The following SANBR variants were observed in gnomAD, a reference collection of about 807,000 sequenced individuals.
SANBR encodes SANT and BTB domain regulator of class switch recombination.
Under a neutral mutation model 101.8 loss-of-function variants are expected in SANBR, and 77 were observed. The observed-to-expected ratio is 0.76, with a 90% CI of 0.63 to 0.91. The LOEUF (loss-of-function observed/expected upper bound fraction) is 0.91, where lower values mean the gene tolerates loss of function less well. Ranked by LOEUF, SANBR falls within the 40% of genes least tolerant of loss-of-function variation. SANBR has a pLI of 0.00. For synonymous variants in SANBR, 279 were observed against 274.7 expected, an observed-to-expected ratio of 1.02 and a Z score of -0.15; for missense variants, 875 against 853.0, an observed-to-expected ratio of 1.03 and a Z score of -0.32.
At chr2:61,099,165 G>A (rs1341187241) in intron 12 of SANBR, among the ~76,000 whole-genome samples, 2 of 152,238 alleles carry the variant, frequency 1.3e-5, no homozygotes, top group Non-Finnish European at 2.9e-5. Flanking sequence ...GGAGAGGTAG[G>A]TAGGTGTCAG....
intron 4 of SANBR, among the ~76,000 whole-genome samples, chr2:61,072,850 T>TTTTTTTA (rs59557585): frequency 9.5e-6 from 1 of 105,246 alleles, no homozygotes; most frequent in Non-Finnish European, 2.0e-5. Flanking sequence ...TTTTTTTTTT[T>TTTTTTTA]ATACAGGTAC....
At chr2:61,091,302 C>G (rs998454652) in intron 10 of SANBR, among the ~76,000 whole-genome samples, 40 of 151,792 alleles carry the variant, frequency 2.6e-4, no homozygotes, top group African/African-American at 9.4e-4. Flanking sequence ...TTATATTAGC[C>G]AGGTGTAGGT....
intron 20 of SANBR, among the ~76,000 whole-genome samples, chr2:61,132,924 G>C (rs1684729894): frequency 6.6e-6 from 1 of 152,162 alleles, no homozygotes; most frequent in African/African-American, 2.4e-5. Context: ...ATCCAGAATG[G>C]GTAAATCCAT....
At chr2:61,108,284 C>T (rs1448595194) in intron 14 of SANBR, 33 bp from the exon 15 acceptor site, 1 of 1,459,082 alleles carries the variant, frequency 6.9e-7, no homozygotes, top group African/African-American at 1.4e-5. Flanking sequence ...TAGGTAAATG[C>T]AGATTTATTA....
chr2:61,131,587 T>C (rs1325336875), intron 20 of SANBR, among the ~76,000 whole-genome samples: 1 of 152,262 alleles, frequency 6.6e-6, no homozygotes, highest in African/African-American at 2.4e-5. Flanking sequence ...AGACTTAATG[T>C]TATTAAGATG....
intron 10 of SANBR, chr2:61,090,831 C>G (rs1682714524): frequency 6.6e-6 from 1 of 152,430 alleles, no homozygotes; most frequent in South Asian, 2.1e-4. Flanking sequence ...CCACTTCAGC[C>G]TCTCAAAGCG....
chr2:61,076,478 A>C (rs79921524), intron 5 of SANBR, among the ~76,000 whole-genome samples: 1 of 131,592 alleles, frequency 7.6e-6, no homozygotes, highest in Non-Finnish European at 1.6e-5. Context: ...AAAAAAAAAA[A>C]TTAGCTGGGC....
At position 61,118,649 on chromosome 2, in the gene SANBR, C is replaced by T. The variant is rs571757350; in HGVS notation, c.2028+533C>T. On this transcript the variant is annotated intron_variant, in intron 20 of 21. Transcript: ENST00000402291. Reference sequence around the variant, plus strand: ...CCATCTCGGCTCACTGCAACCTCCACCTCCCAGGTTCAAGTGATTCTCCTG... The same window carrying T: ...CCATCTCGGCTCACTGCAACCTCCATCTCCCAGGTTCAAGTGATTCTCCTG... Among the ~76,000 whole-genome samples the T allele has an allele frequency of 1.3e-4, 19 of 148,842 alleles. No individual in the cohort carries two copies. In the South Asian group the frequency reaches 4.1e-3, roughly 32 times the overall value.
rs201723881 is a variant in SANBR at position 61,076,836 on chromosome 2, C to A, written c.432-84C>A. 2.2e-5 allele frequency: 21 copies of A among 936,858 alleles called. No homozygotes were observed. In the East Asian group the frequency reaches 3.9e-4, roughly 18 times the overall value. 58.0% of individuals were successfully genotyped at this position (936,858 alleles called of 1,614,324 possible). ...TCAGAATTTTCAAAAACATCTTGTT[C>A]TCTTCCCTTCACTAAATGTCAGTAT... On this transcript the variant is annotated intron_variant, in intron 5 of 21. Coordinates refer to ENST00000402291, the MANE Select transcript of SANBR (RefSeq NM_001129993.3).
intron 11 of SANBR, among the ~76,000 whole-genome samples, chr2:61,094,925 C>T (rs1020811799): frequency 1.3e-5 from 2 of 152,010 alleles, no homozygotes; most frequent in Non-Finnish European, 2.9e-5. Context: ...GATTATAGGC[C>T]TGAGCCACTG....
In SANBR at chr2:61,116,151, A is replaced by G. The variant is rs940457717; in HGVS notation, c.1836+81A>G. The G allele has an allele frequency of 4.4e-6, 4 of 907,554 alleles. No individual in the cohort carries two copies. The African/African-American group carries it at 5.0e-5, about 11-fold the overall frequency. 56.2% of individuals were successfully genotyped at this position (907,554 alleles called of 1,614,324 possible). On this transcript the variant is annotated intron_variant, in intron 17 of 21. Transcript: ENST00000402291. ...TAGCCAGAAAAAAATAAAAAGAGTA[A>G]TGAAGACACATGGAATGCTAGCAAT...
At chr2:61,128,143 G>A (rs1305874889), downstream of SANBR, among the ~76,000 whole-genome samples, 1 of 152,010 alleles carries the variant, frequency 6.6e-6, no homozygotes, top group African/African-American at 2.4e-5. Flanking sequence ...ATGGTGGCAT[G>A]CACCTGTAGT....
chr2:61,075,322 A>G (rs1410710659), intron 5 of SANBR: 1 of 152,226 alleles, frequency 6.6e-6, no homozygotes, highest in Non-Finnish European at 1.5e-5. Flanking sequence ...CAGTGATGTT[A>G]TCACGACTCA....
downstream of SANBR, among the ~76,000 whole-genome samples, chr2:61,128,717 C>T (rs1684589427): frequency 6.6e-6 from 1 of 152,130 alleles, no homozygotes; most frequent in Non-Finnish European, 1.5e-5. Flanking sequence ...TCATCTCAAA[C>T]TCCTGACCTC....
chr2:61,115,939 T>G (rs2104959620), intron 16 of SANBR, 40 bp from the exon 17 acceptor site: 1 of 1,279,500 alleles, frequency 7.8e-7, no homozygotes, highest in South Asian at 1.3e-5. Context: ...TGGAAAAGTA[T>G]ATGGGGCCTA....
In SANBR at chr2:61,103,810, C is replaced by G. The variant is rs756092182; in HGVS notation, c.1366-43C>G. The G allele has an allele frequency of 5.6e-5, 89 of 1,582,244 alleles. 1 individual carries two copies. The South Asian group carries it at 9.4e-4, about 17-fold the overall frequency. On this transcript the variant is annotated intron_variant, in intron 12 of 21. Transcript: ENST00000402291. ...AAACAGTGATCTTTAAAGGAGTGTT[C>G]TATAACAAACTAACCTCTAATTTAT...
intron 6 of SANBR, among the ~76,000 whole-genome samples, chr2:61,080,206 A>AAG (rs1247733323): frequency 6.6e-6 from 1 of 151,782 alleles, no homozygotes; most frequent in Non-Finnish European, 1.5e-5. Flanking sequence ...CAAAAAAAAA[A>AAG]AAAAAAAAGC....
intron 5 of SANBR, among the ~76,000 whole-genome samples, chr2:61,076,453 T>TA (rs1313020417): frequency 1.1e-5 from 1 of 94,134 alleles, no homozygotes; most frequent in Non-Finnish European, 2.0e-5. Context: ...CCCTCTCTAC[T>TA]AAAAATACAA....
chr2:61,117,269 G>A (rs947145012), intron 17 of SANBR, 88 bp from the exon 18 acceptor site: 1 of 1,228,572 alleles, frequency 8.1e-7, no homozygotes, highest in Non-Finnish European at 1.2e-6. Context: ...TTCACACTCA[G>A]TAAGAGTGAA....
Sources: allele counts gnomAD v4.1 joint callset (sites outside exome capture counted in the v4.1 genomes callset), GRCh38; gene constraint gnomAD v4.1.1; transcripts MANE v1.5; gene names NCBI Gene and HGNC (gene_info 2026-07-23, HGNC 2026-07-21).